Variants in FAM120B observed in about 807,000 individuals in gnomAD.
The protein encoded by FAM120B is family with sequence similarity 120 member B.
Under a neutral mutation model 96.3 loss-of-function variants are expected in FAM120B, and 83 were observed. That is an observed-to-expected ratio of 0.86 (90% CI 0.72 to 1.03). The LOEUF is 1.03. Ranked by LOEUF, FAM120B falls within the 50% of genes least tolerant of loss-of-function variation. FAM120B has a pLI of 0.00. For missense variants in FAM120B, 1,027 were observed against 1,121.2 expected, an observed-to-expected ratio of 0.92 and a Z score of 1.20; for synonymous variants, 407 against 402.7, an observed-to-expected ratio of 1.01 and a Z score of -0.13.
intron 4 of FAM120B, among the ~76,000 whole-genome samples, chr6:170,333,604 G>T (rs999609276): frequency 6.8e-6 from 1 of 146,380 alleles, no homozygotes; most frequent in African/African-American, 2.5e-5. Flanking sequence ...TGCAACCTCC[G>T]CCTCCTGAGT....
chr6:170,381,555 C>CAA (rs144342597), intron 6 of FAM120B, among the ~76,000 whole-genome samples: 3 of 145,922 alleles, frequency 2.1e-5, no homozygotes, highest in African/African-American at 7.5e-5. Flanking sequence ...CCAAACCAGA[C>CAA]AAAAAAAAAA....
upstream of FAM120B, among the ~76,000 whole-genome samples, chr6:170,291,368 C>G (rs1029858987): frequency 6.6e-6 from 1 of 151,576 alleles, no homozygotes; most frequent in African/African-American, 2.4e-5. Flanking sequence ...TCCGAAACTC[C>G]GGGCCGCGGC....
intron 4 of FAM120B, among the ~76,000 whole-genome samples, chr6:170,341,672 G>T (rs1786841282): frequency 1.3e-5 from 2 of 152,206 alleles, no homozygotes; most frequent in South Asian, 4.1e-4. Context: ...AAAACTGTGG[G>T]AAAAGCATAG....
intron 4 of FAM120B, among the ~76,000 whole-genome samples, chr6:170,343,075 A>G (rs1786943751): frequency 6.6e-6 from 1 of 152,220 alleles, no homozygotes; most frequent in Non-Finnish European, 1.5e-5. Context: ...CTCCTGAGTT[A>G]TCACACCTGA....
In FAM120B at chr6:170,318,381, A is replaced by T; in HGVS notation, c.991A>T (p.Thr331Ser). The change falls in exon 2 of 11, where the codon ACG becomes TCG. Residue 331 changes from threonine (T) to serine (S), a missense_variant. By Grantham distance (58) the Thr-to-Ser change is moderately conservative (BLOSUM62 1). This residue lies in a region of FAM120B where 880 missense variants were observed against 980.9 expected (regional missense o/e 0.90). Coordinates refer to ENST00000476287, the MANE Select transcript of FAM120B (RefSeq NM_032448.3). Reference sequence around the variant, plus strand: ...AACTTTGGACAAACAAGTAATATCCACGAGTTCAGACGCCGAATCCAGGGA... The same window carrying T: ...AACTTTGGACAAACAAGTAATATCCTCGAGTTCAGACGCCGAATCCAGGGA... ...VITLDKQVIS[T>S]SSDAESREEV... is the part of the protein sequence containing the mutation. The T allele has an allele frequency of 6.2e-7, 1 of 1,614,262 alleles. No individual in the cohort carries two copies. Among genetic ancestry groups the T allele is most frequent in the East Asian group, 2.2e-5 (1 of 44,886 alleles).
chr6:170,322,368 T>C (rs1785349685), intron 2 of FAM120B, among the ~76,000 whole-genome samples: 2 of 152,176 alleles, frequency 1.3e-5, no homozygotes, highest in South Asian at 4.1e-4. Flanking sequence ...ATGTTGGTCC[T>C]GTCTAAGGGA....
At chr6:170,344,789 TGCATA>T (rs907013795) in intron 4 of FAM120B, among the ~76,000 whole-genome samples, 1 of 152,244 alleles carries the variant, frequency 6.6e-6, no homozygotes, top group African/African-American at 2.4e-5. Flanking sequence ...AGAGTCCTCC[TGCATA>T]GCAGACTTGA....
intron 1 of FAM120B, among the ~76,000 whole-genome samples, chr6:170,314,060 G>A (rs1288440895): frequency 6.6e-6 from 1 of 152,210 alleles, no homozygotes; most frequent in African/African-American, 2.4e-5. Flanking sequence ...TATAGTAAAG[G>A]AGCTTCTGAA....
rs1789863842 is a variant in FAM120B, at chr6:170,380,888, C to T, written c.2284-7399C>T. 2.0e-5 allele frequency among the ~76,000 whole-genome samples: 3 copies of T among 152,102 alleles called. No individual in the cohort carries two copies. The South Asian group carries it at 6.2e-4, about 32-fold the overall frequency. Reference sequence around the variant, plus strand: ...ACTTGTTTATTTTTGCTTTTCTTGCCTGAGCCTTGGGGGGTCACACTCCAA... The same window carrying T: ...ACTTGTTTATTTTTGCTTTTCTTGCTTGAGCCTTGGGGGGTCACACTCCAA... On this transcript the variant is annotated intron_variant, in intron 6 of 10. Transcript: ENST00000476287.
In FAM120B at chr6:170,351,711, A is replaced by G. The variant is rs559685062; in HGVS notation, c.2190+3388A>G. Among the ~76,000 whole-genome samples the G allele has an allele frequency of 2.0e-4, 31 of 152,362 alleles. 1 individual carries two copies. The highest frequency in any genetic ancestry group is 7.0e-4 in the African/African-American group (29 of 41,584). On this transcript the variant is annotated intron_variant, in intron 5 of 10. Coordinates refer to ENST00000476287, the MANE Select transcript of FAM120B (RefSeq NM_032448.3). ...AACTAACTTCATAAGCAAAGGAGAA[A>G]TAAGATCCTTTTCAGACAAGCAAAT...
At chr6:170,320,858 G>T (rs1187477682) in intron 2 of FAM120B, among the ~76,000 whole-genome samples, 1 of 152,180 alleles carries the variant, frequency 6.6e-6, no homozygotes, top group Non-Finnish European at 1.5e-5. Context: ...GTCCAAGGGG[G>T]CAAGTTTCAA....
chr6:170,337,676 T>C (rs977520287), intron 4 of FAM120B, among the ~76,000 whole-genome samples: 1 of 152,214 alleles, frequency 6.6e-6, no homozygotes, highest in Non-Finnish European at 1.5e-5. Flanking sequence ...TTTTTTTGGT[T>C]GCTAGGCTAT....
At chr6:170,337,929 A>C (rs1281067068) in intron 4 of FAM120B, among the ~76,000 whole-genome samples, 1 of 151,774 alleles carries the variant, frequency 6.6e-6, no homozygotes, top group Non-Finnish European at 1.5e-5. Context: ...TTTTCTTATT[A>C]GTCTGACTAG....
At chr6:170,401,928 G>A (rs1051216269) in intron 9 of FAM120B, among the ~76,000 whole-genome samples, 1 of 131,446 alleles carries the variant, frequency 7.6e-6, no homozygotes, top group African/African-American at 2.8e-5. Context: ...CTGCATCTGT[G>A]TGGCTTTGGA....
chr6:170,294,009 C>T (rs891681079), upstream of FAM120B, among the ~76,000 whole-genome samples: 1 of 152,140 alleles, frequency 6.6e-6, no homozygotes. The surrounding 1 kb of genome is among the most constrained non-coding windows in gnomAD (Gnocchi z 7.9). Flanking sequence ...GGGGACGACA[C>T]GCCTTTAGAC....
At chr6:170,387,483 A>G (rs983271487) in intron 6 of FAM120B, among the ~76,000 whole-genome samples, 17 of 152,196 alleles carry the variant, frequency 1.1e-4, no homozygotes, top group Admixed American at 2.6e-4. Flanking sequence ...AGATATCGGT[A>G]TCACTTTCCA....
chr6:170,305,792 G>A (rs1784259975), upstream of FAM120B, among the ~76,000 whole-genome samples: 1 of 152,204 alleles, frequency 6.6e-6, no homozygotes, highest in Admixed American at 6.5e-5. Flanking sequence ...TGCAGCTAGA[G>A]GGGTGGACTT....
At position 170,317,871 on chromosome 6, in the gene FAM120B, T is replaced by C; in HGVS notation, c.481T>C (p.Tyr161His). ...ETLCSLQEAD[Y>H]EVASYGLQHN... The stretch of plus-strand genomic sequence containing the variant: ...TTTGTGTTCTTTGCAGGAAGCAGAT[T>C]ATGAGGTAGCTTCCTATGGCCTCCA... Residue 161 changes from tyrosine (Y) to histidine (H), a missense_variant, in exon 2 of 11, where the codon TAT becomes CAT. Tyr to His is a moderately conservative substitution (Grantham distance 83, BLOSUM62 2). This residue lies in a region of FAM120B where 880 missense variants were observed against 980.9 expected (regional missense o/e 0.90). Transcript: ENST00000476287. The C allele has an allele frequency of 1.2e-6, 2 of 1,614,218 alleles. No individual in the cohort carries two copies. The highest frequency in any genetic ancestry group is 2.2e-5 in the South Asian group (2 of 91,088).
intron 6 of FAM120B, 86 bp downstream of exon 6, chr6:170,358,404 C>A: frequency 1.1e-6 from 1 of 945,492 alleles, no homozygotes; most frequent in Non-Finnish European, 1.6e-6. Flanking sequence ...TGAAGTTTCA[C>A]AGAAAAGATC....
Sources: allele counts gnomAD v4.1 joint callset (sites outside exome capture counted in the v4.1 genomes callset), GRCh38; gene constraint gnomAD v4.1.1; regional missense constraint gnomAD v4.1.1; non-coding constraint Gnocchi (gnomAD v3.1); transcripts MANE v1.5; gene names NCBI Gene and HGNC (gene_info 2026-07-23, HGNC 2026-07-21).